The following AGBL1 variants were observed in gnomAD, a reference collection of about 807,000 sequenced individuals.
AGBL1 encodes AGBL carboxypeptidase 1, also known as cytosolic carboxypeptidase 4.
A neutral mutation model predicts 118.9 loss-of-function variants in AGBL1; 130 were observed. That is an observed-to-expected ratio of 1.09 (90% CI 0.95 to 1.26). The LOEUF is 1.26. Ranked by LOEUF, AGBL1 falls within the 50% of genes most tolerant of loss-of-function variation. The probability of loss-of-function intolerance (pLI) is 0.00; values close to 1 mark genes in which losing one functional copy is unlikely to be tolerated. For missense variants in AGBL1, 1,584 were observed against 1,298.1 expected, an observed-to-expected ratio of 1.22 and a Z score of -3.38; for synonymous variants, 555 against 478.9, an observed-to-expected ratio of 1.16 and a Z score of -2.08.
intron 18 of AGBL1, among the ~76,000 whole-genome samples, chr15:86,517,885 G>A (rs1171447192): frequency 3.3e-5 from 5 of 152,132 alleles, no homozygotes; most frequent in Admixed American, 1.3e-4. Flanking sequence ...GCTCTTCGTC[G>A]TGTTCTTGAA....
At chr15:86,721,641 G>A (rs1596404803) in intron 22 of AGBL1, among the ~76,000 whole-genome samples, 1 of 152,182 alleles carries the variant, frequency 6.6e-6, no homozygotes, top group Non-Finnish European at 1.5e-5. Flanking sequence ...ACATAGTGTT[G>A]GAAGTTCTGG....
intron 22 of AGBL1, among the ~76,000 whole-genome samples, chr15:86,876,094 C>T (rs544162218): frequency 2.6e-5 from 4 of 152,250 alleles, no homozygotes; most frequent in East Asian, 1.9e-4. Context: ...CAAGTTTGAT[C>T]GAGGCCAACA....
intron 22 of AGBL1, among the ~76,000 whole-genome samples, chr15:86,728,241 G>A (rs1031106666): frequency 2.0e-5 from 3 of 152,186 alleles, no homozygotes; most frequent in African/African-American, 7.2e-5. Flanking sequence ...AGTGCAGGTG[G>A]ACCTGGGGCC....
rs78096065 is a variant in AGBL1 at position 86,784,695 on chromosome 15, T to A, written c.3158+110259T>A. On this transcript the variant is annotated intron_variant, in intron 22 of 22. Coordinates refer to ENST00000614907, the MANE Select transcript of AGBL1 (RefSeq NM_001386094.1). ...CCACAGTTCAGAGGTAACTGTGGCT[T>A]CTACTGCGTTATAAATTATCCATAG... Among the ~76,000 whole-genome samples, 800 of 152,270 alleles carry A rather than the reference T, an allele frequency of 5.3e-3. 42 individuals are homozygous for A. The East Asian group carries it at 0.13, about 25-fold the overall frequency.
chr15:86,141,883 T>G, intron 1 of AGBL1, 121 bp from the exon 2 acceptor site: 1 of 997,034 alleles, frequency 1.0e-6, no homozygotes, highest in African/African-American at 1.6e-5. Flanking sequence ...GCCTGTCCTT[T>G]CGCTGTAGTT....
At chr15:86,137,895 A>G (rs894427795) in intron 1 of AGBL1, among the ~76,000 whole-genome samples, 2 of 152,160 alleles carry the variant, frequency 1.3e-5, no homozygotes, top group Admixed American at 1.3e-4. Flanking sequence ...AACCAATTTA[A>G]TTGATTTGTA....
intron 5 of AGBL1, among the ~76,000 whole-genome samples, chr15:86,203,510 T>G (rs2077940894): frequency 6.6e-6 from 1 of 152,180 alleles, no homozygotes; most frequent in Non-Finnish European, 1.5e-5. Context: ...GTGTTTCAGA[T>G]GAGGAGTGGA....
chr15:86,879,329 T>C (rs1172317090), intron 22 of AGBL1, among the ~76,000 whole-genome samples: 1 of 152,216 alleles, frequency 6.6e-6, no homozygotes, highest in African/African-American at 2.4e-5. Flanking sequence ...CTGATGGTTA[T>C]AAAGAGCTGC....
intron 21 of AGBL1, among the ~76,000 whole-genome samples, chr15:86,570,600 TATA>T (rs902335460): frequency 6.6e-6 from 1 of 152,196 alleles, no homozygotes; most frequent in Non-Finnish European, 1.5e-5. Flanking sequence ...TTAATGAGCA[TATA>T]ATGACATTCT....
intron 21 of AGBL1, among the ~76,000 whole-genome samples, chr15:86,590,985 A>C (rs1458533735): frequency 2.1e-4 from 32 of 152,228 alleles, no homozygotes; most frequent in Non-Finnish European, 5.9e-5. Context: ...CAGTTGTCCC[A>C]ATAATGTACG....
intron 21 of AGBL1, among the ~76,000 whole-genome samples, chr15:86,622,552 A>G (rs1235579534): frequency 6.6e-6 from 1 of 152,190 alleles, no homozygotes; most frequent in Non-Finnish European, 1.5e-5. Context: ...AAACAGGATG[A>G]AAAGATGGAG....
intron 24 of AGBL1, among the ~76,000 whole-genome samples, chr15:87,016,590 G>A (rs1030353973): frequency 3.3e-5 from 5 of 152,198 alleles, no homozygotes; most frequent in African/African-American, 1.2e-4. Flanking sequence ...AACACTCATG[G>A]AGAGAAAAGA....
chr15:86,471,719 C>A lies in AGBL1; in HGVS notation c.2556-51091C>A, dbSNP rs1422271267. Among the ~76,000 whole-genome samples, 3 of 151,898 alleles carry A rather than the reference C, an allele frequency of 2.0e-5. No individual in the cohort carries two copies. The East Asian group carries it at 5.8e-4, about 29-fold the overall frequency. On this transcript the variant is annotated intron_variant, in intron 18 of 22. Coordinates refer to ENST00000614907, the MANE Select transcript of AGBL1 (RefSeq NM_001386094.1). ...TAGGGCATTCCAGTGCTTCTATATT[C>A]AAAGTAAAATGTGCACTAATGTGAA...
chr15:86,874,600 CA>C (rs578198382), intron 22 of AGBL1, among the ~76,000 whole-genome samples: 187 of 152,272 alleles, frequency 1.2e-3, no homozygotes, highest in African/African-American at 4.3e-3. Context: ...GCTAGTTGAG[CA>C]CCAGATGATC....
At chr15:86,210,304 C>G (rs1222605333) in intron 5 of AGBL1, among the ~76,000 whole-genome samples, 1 of 152,104 alleles carries the variant, frequency 6.6e-6, no homozygotes, top group Non-Finnish European at 1.5e-5. Flanking sequence ...TGGGGTTGCT[C>G]TTCTCGAGGA....
intron 7 of AGBL1, 111 bp from the exon 8 acceptor site, chr15:86,256,742 C>T: frequency 3.7e-6 from 4 of 1,090,296 alleles, no homozygotes; most frequent in Non-Finnish European, 5.2e-6. Context: ...TTAGCTGAAA[C>T]ACAGCTAGGA....
chr15:86,832,439 T>C (rs1349006030), intron 22 of AGBL1, among the ~76,000 whole-genome samples: 1 of 152,186 alleles, frequency 6.6e-6, no homozygotes, highest in African/African-American at 2.4e-5. Flanking sequence ...AACTGAATAC[T>C]ATTAACAGTA....
chr15:86,218,291 A>T (rs2078222217), intron 5 of AGBL1, among the ~76,000 whole-genome samples: 1 of 152,120 alleles, frequency 6.6e-6, no homozygotes, highest in South Asian at 2.1e-4. Context: ...AGGTGGTGTT[A>T]AGGGTGCATG....
At chr15:86,660,341 TAAAC>T (rs1463515954) in intron 21 of AGBL1, among the ~76,000 whole-genome samples, 10 of 152,082 alleles carry the variant, frequency 6.6e-5, no homozygotes, top group Admixed American at 6.6e-4. Context: ...AATACATTTA[TAAAC>T]AAACATACAA....
Sources: gnomAD v4.1 joint callset for allele counts (sites outside exome capture counted in the v4.1 genomes callset) on GRCh38, gnomAD v4.1.1 for gene constraint, MANE v1.5 for transcripts, NCBI Gene and HGNC (gene_info 2026-07-23, HGNC 2026-07-21) for gene names.